The following GALNT17 variants were observed in gnomAD, a reference collection of about 807,000 sequenced individuals.
The protein encoded by GALNT17 is UDP-GalNAc:polypeptide N-acetylgalactosaminyltransferase-like 3.
A neutral mutation model predicts 63.7 loss-of-function variants in GALNT17; 29 were observed. That is an observed-to-expected ratio of 0.46 (90% CI 0.34 to 0.62). GALNT17 has a LOEUF of 0.62. Among genes scored for constraint, GALNT17 ranks in the 20% least tolerant of loss-of-function variants. The pLI is 0.01. For synonymous variants in GALNT17, 305 were observed against 318.3 expected (o/e 0.96, Z 0.45); for missense variants, 603 against 799.6 (o/e 0.75, Z 2.97).
At chr7:71,271,675 A>G (rs542367878) in intron 1 of GALNT17, among the ~76,000 whole-genome samples, 28 of 152,334 alleles carry the variant, frequency 1.8e-4, no homozygotes, top group African/African-American at 6.7e-4. Flanking sequence ...TTACCACCAC[A>G]GTTAAGATGC....
At chr7:71,144,035 C>T (rs1787968122) in intron 1 of GALNT17, among the ~76,000 whole-genome samples, 1 of 152,164 alleles carries the variant, frequency 6.6e-6, no homozygotes, top group Non-Finnish European at 1.5e-5. Flanking sequence ...TCCACGATCA[C>T]ATCCAGAACT....
At chr7:71,707,916 T>C (rs1791742793) in intron 9 of GALNT17, among the ~76,000 whole-genome samples, 1 of 152,156 alleles carries the variant, frequency 6.6e-6, no homozygotes, top group Non-Finnish European at 1.5e-5. Flanking sequence ...CAGACTCCAT[T>C]TCTTGATGGA....
chr7:71,222,436 G>A (rs1306319391), intron 1 of GALNT17, among the ~76,000 whole-genome samples: 1 of 151,464 alleles, frequency 6.6e-6, no homozygotes, highest in Non-Finnish European at 1.5e-5. Flanking sequence ...GGGATTACAG[G>A]TGTCCGCACC....
At chr7:71,458,260 C>T (rs1026202461) in intron 5 of GALNT17, among the ~76,000 whole-genome samples, 5 of 152,170 alleles carry the variant, frequency 3.3e-5, no homozygotes, top group Non-Finnish European at 7.3e-5. Context: ...ATTGCATTAA[C>T]AACTACATCG....
At chr7:71,309,151 A>G (rs1791366535) in intron 1 of GALNT17, among the ~76,000 whole-genome samples, 1 of 151,474 alleles carries the variant, frequency 6.6e-6, no homozygotes. Context: ...CTTCAGTGCC[A>G]TTTTTCCAAC....
chr7:71,589,387 G>T (rs575989985), intron 6 of GALNT17, among the ~76,000 whole-genome samples: 2 of 152,160 alleles, frequency 1.3e-5, no homozygotes, highest in East Asian at 3.9e-4. Context: ...AGACCAGCCT[G>T]GGCAAAATAG....
chr7:71,625,933 G>A (rs1364625322), intron 6 of GALNT17, among the ~76,000 whole-genome samples: 2 of 152,072 alleles, frequency 1.3e-5, no homozygotes, highest in East Asian at 1.9e-4. Flanking sequence ...GATCCAATAT[G>A]ACTGGTGTCC....
At chr7:71,684,417 C>G (rs1418134873) in intron 9 of GALNT17, among the ~76,000 whole-genome samples, 2 of 152,206 alleles carry the variant, frequency 1.3e-5, no homozygotes, top group African/African-American at 2.4e-5. Flanking sequence ...GGCTCTGCAT[C>G]TGCTCTCTCA....
At chr7:71,210,515 G>T (rs1243453870) in intron 1 of GALNT17, among the ~76,000 whole-genome samples, 1 of 152,216 alleles carries the variant, frequency 6.6e-6, no homozygotes, top group Non-Finnish European at 1.5e-5. Flanking sequence ...TTGCAGAGTT[G>T]TGGTGAAGAG....
intron 1 of GALNT17, among the ~76,000 whole-genome samples, chr7:71,302,174 G>A (rs1357703267): frequency 6.6e-6 from 1 of 152,044 alleles, no homozygotes; most frequent in African/African-American, 2.4e-5. Context: ...AGGGAGGGGA[G>A]CAACACACAC....
intron 5 of GALNT17, among the ~76,000 whole-genome samples, chr7:71,428,339 C>T (rs1786798269): frequency 6.6e-6 from 1 of 152,014 alleles, no homozygotes; most frequent in African/African-American, 2.4e-5. Flanking sequence ...TAAGTGGAGT[C>T]CTGCAGAATG....
At chr7:71,393,546 G>A (rs1793086533) in intron 3 of GALNT17, among the ~76,000 whole-genome samples, 1 of 151,860 alleles carries the variant, frequency 6.6e-6, no homozygotes, top group Non-Finnish European at 1.5e-5. Context: ...AGCATAATCA[G>A]TGCCCCCCTT....
intron 5 of GALNT17, among the ~76,000 whole-genome samples, chr7:71,479,997 C>CA (rs1787787878): frequency 6.6e-6 from 1 of 152,090 alleles, no homozygotes; most frequent in Admixed American, 6.6e-5. Flanking sequence ...CAGAGCAGCT[C>CA]TATCCTTTGA....
intron 5 of GALNT17, among the ~76,000 whole-genome samples, chr7:71,526,470 A>C (rs1315252925): frequency 1.3e-5 from 2 of 152,086 alleles, no homozygotes; most frequent in South Asian, 2.1e-4. Flanking sequence ...CTGTGGCTTT[A>C]CTGACATGGT....
At chr7:71,668,555 C>T (rs1791020672) in intron 7 of GALNT17, among the ~76,000 whole-genome samples, 1 of 131,626 alleles carries the variant, frequency 7.6e-6, no homozygotes, top group Non-Finnish European at 1.6e-5. Context: ...ATGGATCATA[C>T]TAAATATATT....
chr7:71,226,661 G>A (rs1789685439), intron 1 of GALNT17, among the ~76,000 whole-genome samples: 1 of 151,992 alleles, frequency 6.6e-6, no homozygotes, highest in Non-Finnish European at 1.5e-5. Flanking sequence ...TGTATTTTTA[G>A]TACAGATACG....
intron 1 of GALNT17, among the ~76,000 whole-genome samples, chr7:71,278,148 A>G (rs1035437621): frequency 1.3e-4 from 20 of 152,212 alleles, no homozygotes; most frequent in Non-Finnish European, 2.4e-4. Flanking sequence ...GTCAGTTACT[A>G]TGTTTCTGTT....
chr7:71,523,495 C>A (rs1788563461), intron 5 of GALNT17, among the ~76,000 whole-genome samples: 1 of 151,902 alleles, frequency 6.6e-6, no homozygotes, highest in Non-Finnish European at 1.5e-5. Context: ...GGGCTCATGC[C>A]TGAAATCCCA....
chr7:71,409,950 G>T (rs145332115), intron 3 of GALNT17, among the ~76,000 whole-genome samples: 15 of 152,160 alleles, frequency 9.9e-5, no homozygotes, highest in Non-Finnish European at 2.1e-4. Flanking sequence ...TGGAAACTGC[G>T]TTCTTTGGTG....
Sources: allele counts gnomAD v4.1 joint callset (sites outside exome capture counted in the v4.1 genomes callset), GRCh38; gene constraint gnomAD v4.1.1; transcripts MANE v1.5; gene names NCBI Gene and HGNC (gene_info 2026-07-23, HGNC 2026-07-21).